Variants in STON2 observed in about 807,000 individuals in gnomAD.
STON2 encodes stonin-2.
A neutral mutation model predicts 65.7 loss-of-function variants in STON2; 29 were observed. That is an observed-to-expected ratio of 0.44 (90% CI 0.33 to 0.60). The LOEUF is 0.60. STON2 is among the 20% of genes least tolerant of loss of function. The pLI, the probability that STON2 is intolerant of heterozygous loss-of-function variation, is 0.03. For synonymous variants in STON2, 404 were observed against 414.2 expected (o/e 0.98, Z 0.30); for missense variants, 1,054 against 1,118.1 (o/e 0.94, Z 0.82).
intron 5 of STON2, among the ~76,000 whole-genome samples, chr14:81,320,087 T>C (rs1896767651): frequency 6.6e-6 from 1 of 152,168 alleles, no homozygotes; most frequent in Non-Finnish European, 1.5e-5. Context: ...CTGGCTGGTC[T>C]AGAATTGCCT....
At chr14:81,293,236 C>T (rs910237337) in intron 5 of STON2, among the ~76,000 whole-genome samples, 17 of 147,536 alleles carry the variant, frequency 1.2e-4, no homozygotes, top group Admixed American at 4.8e-4. Context: ...TGCAGTGGTG[C>T]GATCTTGGCT....
chr14:81,395,627 C>T, intron 3 of STON2: 1 of 418,308 alleles, frequency 2.4e-6, no homozygotes, highest in Admixed American at 4.0e-5. Context: ...AATATATATG[C>T]ATTATTTTAA....
intron 5 of STON2, among the ~76,000 whole-genome samples, chr14:81,313,822 C>T (rs1268854141): frequency 3.4e-4 from 47 of 139,332 alleles, no homozygotes; most frequent in African/African-American, 1.5e-3. Context: ...CACACACACA[C>T]ACACACACAC....
intron 4 of STON2, among the ~76,000 whole-genome samples, chr14:81,341,858 G>A (rs1038360439): frequency 9.2e-5 from 14 of 152,088 alleles, no homozygotes; most frequent in Non-Finnish European, 1.6e-4. Context: ...TCTTCATGTC[G>A]TAAAATCACA....
chr14:81,347,340 C>A (rs542661530), intron 4 of STON2, among the ~76,000 whole-genome samples: 1 of 151,862 alleles, frequency 6.6e-6, no homozygotes, highest in Non-Finnish European at 1.5e-5. Flanking sequence ...TACATAAATT[C>A]CTGGACACAC....
chr14:81,405,460 G>GGTT (rs1555407126), intron 2 of STON2, among the ~76,000 whole-genome samples: 1 of 63,316 alleles, frequency 1.6e-5, no homozygotes, highest in Non-Finnish European at 3.5e-5. Context: ...AGTTACTATT[G>GGTT]TTTTTTTTTT....
chr14:81,343,426 C>T (rs1021850714), intron 4 of STON2, among the ~76,000 whole-genome samples: 1 of 152,140 alleles, frequency 6.6e-6, no homozygotes, highest in Non-Finnish European at 1.5e-5. Flanking sequence ...CAGCATCTCC[C>T]TTCTCCCACC....
intron 6 of STON2, among the ~76,000 whole-genome samples, chr14:81,271,823 A>G (rs1329101882): frequency 1.3e-5 from 2 of 152,208 alleles, no homozygotes; most frequent in Admixed American, 1.3e-4. Flanking sequence ...CTTCTATGTT[A>G]AATCTTTTAT....
chr14:81,408,243 T>C (rs147255845), intron 2 of STON2, among the ~76,000 whole-genome samples: 57 of 152,302 alleles, frequency 3.7e-4, no homozygotes, highest in African/African-American at 1.3e-3. Context: ...TGTTTGCTCT[T>C]ATTATTTCGA....
intron 5 of STON2, among the ~76,000 whole-genome samples, chr14:81,286,242 G>A (rs532922430): frequency 2.1e-4 from 32 of 152,280 alleles, no homozygotes; most frequent in Non-Finnish European, 4.1e-4. Context: ...GGATTTGAGA[G>A]GATTGACTCC....
At position 81,262,013 on chromosome 14, in the gene STON2, C is replaced by G. The variant is rs1894170375; in HGVS notation, c.*6401G>C. On this transcript the variant is annotated 3_prime_UTR_variant, in exon 8 of 8. Coordinates refer to ENST00000614646, the MANE Select transcript of STON2 (RefSeq NM_001394390.1). ...TGGACCAGGTGATTTTTCCAATCTT[C>G]AAAATTTAAATTTCTTGGTTCTTAT... The G allele has an allele frequency of 1.0e-5, 14 of 1,365,110 alleles. No individual in the cohort carries two copies. The South Asian group carries it at 2.3e-4, about 23-fold the overall frequency. The allele number at this position is 1,365,110 out of a possible 1,614,324, so 84.6% of individuals were successfully genotyped here. A position where few individuals can be genotyped will look rare whatever the true frequency, so the allele number is the denominator to read the frequency against.
intron 6 of STON2, among the ~76,000 whole-genome samples, chr14:81,273,898 G>A (rs905630834): frequency 2.0e-5 from 3 of 152,176 alleles, no homozygotes; most frequent in African/African-American, 7.2e-5. Flanking sequence ...CTGAGCCCTA[G>A]CTTCCTTAAA....
chr14:81,267,191 A>G lies in STON2; in HGVS notation c.*1223T>C, dbSNP rs746011174. The G allele has an allele frequency of 4.4e-5, 43 of 985,424 alleles. No homozygotes were observed. Among genetic ancestry groups the G allele is most frequent in the Non-Finnish European group, 5.2e-5 (43 of 829,930 alleles). 61.0% of individuals were successfully genotyped at this position (985,424 alleles called of 1,614,324 possible). The stretch of plus-strand genomic sequence containing the variant: ...GAGGTGAGTAGGAACGGATGAAGGA[A>G]AAGAAGATTAATTGTCCCAGAAACA... On this transcript the variant is annotated 3_prime_UTR_variant, in exon 8 of 8. Transcript: ENST00000614646.
chr14:81,307,409 T>G (rs1430507770), intron 5 of STON2, among the ~76,000 whole-genome samples: 1 of 152,216 alleles, frequency 6.6e-6, no homozygotes, highest in African/African-American at 2.4e-5. Flanking sequence ...TGAGTAAATT[T>G]CTATAAATTT....
rs1894852239 is a variant in STON2, at chr14:81,276,999, G to C, written c.2483C>G (p.Ser828Cys). 2 of 1,614,212 alleles carry C rather than the reference G, an allele frequency of 1.2e-6. No homozygotes were observed. The highest frequency in any genetic ancestry group is 3.3e-5 in the Admixed American group (2 of 60,020). The change falls in exon 6 of 8, where the codon TCT becomes TGT. Residue 828 changes from serine to cysteine, a missense_variant. By Grantham distance (112) the Ser-to-Cys change is moderately radical (BLOSUM62 -1). Coordinates refer to ENST00000614646, the MANE Select transcript of STON2 (RefSeq NM_001394390.1). The stretch of plus-strand genomic sequence containing the variant: ...CAGAGTTACTCTCATGACAGGCTCA[G>C]AGCCAGAAACACTAGTGGAGCCAAA... ...ASFGSTSVSG[S>C]EPVMRVTLGT...
At chr14:81,318,792 G>A (rs529351376) in intron 5 of STON2, among the ~76,000 whole-genome samples, 28 of 152,296 alleles carry the variant, frequency 1.8e-4, no homozygotes, top group African/African-American at 6.7e-4. Context: ...CGGAACCTGT[G>A]ATCACGCCAC....
At chr14:81,358,842 T>A (rs1020363875) in intron 4 of STON2, among the ~76,000 whole-genome samples, 2 of 152,070 alleles carry the variant, frequency 1.3e-5, no homozygotes, top group Admixed American at 1.3e-4. Flanking sequence ...GAGAATACAA[T>A]GATTATAAAT....
At chr14:81,358,198 C>G (rs1898335389) in intron 4 of STON2, among the ~76,000 whole-genome samples, 1 of 151,842 alleles carries the variant, frequency 6.6e-6, no homozygotes, top group South Asian at 2.1e-4. Context: ...TTAATAACAA[C>G]TATAGCTAAA....
chr14:81,267,219 T>A lies in STON2; in HGVS notation c.*1195A>T, dbSNP rs1894390782. On this transcript the variant is annotated 3_prime_UTR_variant, in exon 8 of 8. Coordinates refer to ENST00000614646, the MANE Select transcript of STON2 (RefSeq NM_001394390.1). ...GAAGATTAATTGTCCCAGAAACAGA[T>A]GAAGAAAAAGAAGATGGAGTGAGCG... The A allele has an allele frequency of 1.0e-6, 1 of 985,254 alleles. No individual in the cohort carries two copies. Among genetic ancestry groups the A allele is most frequent in the Non-Finnish European group, 1.2e-6 (1 of 829,864 alleles). 61.0% of individuals were successfully genotyped at this position (985,254 alleles called of 1,614,324 possible).
Sources: allele counts gnomAD v4.1 joint callset (sites outside exome capture counted in the v4.1 genomes callset), GRCh38; gene constraint gnomAD v4.1.1; transcripts MANE v1.5; gene names NCBI Gene and HGNC (gene_info 2026-07-23, HGNC 2026-07-21).